UBE2E3: variants seen among roughly 807,000 people sequenced by gnomAD.
UBE2E3 encodes the protein ubiquitin-conjugating enzyme E2 E3.
A neutral mutation model predicts 23.6 loss-of-function variants in UBE2E3; 5 were observed. That is an observed-to-expected ratio of 0.21 (90% confidence interval 0.11 to 0.44). The LOEUF (loss-of-function observed/expected upper bound fraction) is 0.44. UBE2E3 is among the 20% of genes least tolerant of loss of function. The probability of loss-of-function intolerance (pLI) is 0.99; values close to 1 mark genes in which losing one functional copy is unlikely to be tolerated. For missense variants in UBE2E3, 81 were observed against 249.8 expected (o/e 0.32, Z 4.55); for synonymous variants, 78 against 87.5 (o/e 0.89, Z 0.60).
chr2:181,033,902 T>C (rs113365767), intron 3 of UBE2E3, among the ~76,000 whole-genome samples: 35,334 of 152,162 alleles, frequency 0.23, 4,467 homozygotes, highest in Non-Finnish European at 0.28. Flanking sequence ...AAGACATTTA[T>C]GCAGCCAAAA....
intron 4 of UBE2E3, among the ~76,000 whole-genome samples, chr2:181,059,568 C>A (rs2368189): frequency 0.23 from 35,158 of 151,418 alleles, 4,445 homozygotes; most frequent in Non-Finnish European, 0.28. Context: ...ACATGTAATC[C>A]GTGTAAGAGT....
Position 181,020,545 on chromosome 2 carries a change from A to T in UBE2E3, c.245+36452A>T, listed in dbSNP as rs531305064. On this transcript the variant is annotated intron_variant, in intron 3 of 5. Transcript: ENST00000410062. ...GATTTTGATCCTTAATAATAATGTA[A>T]TAAAACTAGAATTATTTCCTTTGTT... 2.0e-5 allele frequency among the ~76,000 whole-genome samples: 3 copies of T among 152,354 alleles called. No homozygotes were observed. In the South Asian group the frequency reaches 6.2e-4, roughly 32 times the overall value.
intron 3 of UBE2E3, among the ~76,000 whole-genome samples, chr2:181,042,598 G>A (rs746987851): frequency 6.6e-6 from 1 of 152,146 alleles, no homozygotes; most frequent in Non-Finnish European, 1.5e-5. Context: ...GGAAGTCATG[G>A]AACAGGTTAG....
intron 3 of UBE2E3, among the ~76,000 whole-genome samples, chr2:181,014,402 CAATA>C (rs1685426290): frequency 6.6e-6 from 1 of 152,010 alleles, no homozygotes; most frequent in African/African-American, 2.4e-5. Flanking sequence ...CAGTATGTAT[CAATA>C]AAGTTCACTT....
chr2:181,061,760 GT>G (rs543861838), intron 5 of UBE2E3, among the ~76,000 whole-genome samples: 93 of 140,744 alleles, frequency 6.6e-4, no homozygotes, highest in African/African-American at 2.5e-3. Flanking sequence ...CACACATTTT[GT>G]TTCGTTATGT....
At chr2:181,046,451 A>T (rs1209050764) in intron 3 of UBE2E3, among the ~76,000 whole-genome samples, 2 of 152,150 alleles carry the variant, frequency 1.3e-5, no homozygotes, top group East Asian at 3.9e-4. Context: ...CCTCATGATA[A>T]ACTGGGCTAG....
intron 2 of UBE2E3, 69 bp from the exon 3 acceptor site, chr2:180,983,974 C>T (rs776384283): frequency 8.0e-7 from 1 of 1,251,556 alleles, no homozygotes; most frequent in Non-Finnish European, 1.1e-6. Flanking sequence ...TGGTAGAGGG[C>T]AGTGTAATTC....
intron 3 of UBE2E3, among the ~76,000 whole-genome samples, chr2:180,993,171 G>A (rs893934874): frequency 2.6e-5 from 4 of 152,128 alleles, no homozygotes; most frequent in Non-Finnish European, 4.4e-5. Context: ...TGTGCCCGTC[G>A]GTAGGTGGTG....
At chr2:180,987,934 A>AT (rs972834343) in intron 3 of UBE2E3, among the ~76,000 whole-genome samples, 34 of 152,270 alleles carry the variant, frequency 2.2e-4, no homozygotes, top group South Asian at 1.0e-3. Flanking sequence ...TTCCTGGTGA[A>AT]TTGTATATAT....
intron 3 of UBE2E3, among the ~76,000 whole-genome samples, chr2:180,998,945 TTTCTC>T (rs1376390508): frequency 6.6e-6 from 1 of 152,206 alleles, no homozygotes; most frequent in African/African-American, 2.4e-5. Flanking sequence ...TTAAATTACT[TTTCTC>T]TATAGATATG....
chr2:181,048,734 T>A (rs1432741022), intron 3 of UBE2E3, among the ~76,000 whole-genome samples: 3 of 152,114 alleles, frequency 2.0e-5, no homozygotes, highest in African/African-American at 4.8e-5. Flanking sequence ...TGATTCTTTC[T>A]AAAACACTCA....
At chr2:180,987,525 T>A (rs929247059) in intron 3 of UBE2E3, 1 of 1,077,668 alleles carries the variant, frequency 9.3e-7, no homozygotes, top group African/African-American at 1.6e-5. Context: ...TTTGTATTAA[T>A]AAATAGTTTC....
intron 3 of UBE2E3, among the ~76,000 whole-genome samples, chr2:180,985,862 A>C (rs1684450556): frequency 2.0e-5 from 3 of 152,110 alleles, no homozygotes; most frequent in Admixed American, 2.0e-4. Context: ...TAGAGAGCCT[A>C]GTAGACATGT....
chr2:180,991,149 A>ATTTTTTTTTTTTTT (rs35348964), intron 3 of UBE2E3, among the ~76,000 whole-genome samples: 1 of 150,896 alleles, frequency 6.6e-6, no homozygotes, highest in Non-Finnish European at 1.5e-5. Context: ...AAAACCTTTG[A>ATTTTTTTTTTTTTT]TTTTTTTTTC....
rs534072404 is a variant in UBE2E3, at chr2:180,983,218, CAT to C, written c.195-822_195-821del. 2.5e-3 allele frequency among the ~76,000 whole-genome samples: 384 copies of C among 152,260 alleles called. 2 individuals carry two copies. Among genetic ancestry groups the C allele is most frequent in the African/African-American group, 8.3e-3 (345 of 41,544 alleles). ...CATTCTGTGGTGATTCATAAATACT[CAT>C]ATTTTTCTATGGATTTTCACCCTTA... On this transcript the variant is annotated intron_variant, in intron 2 of 5. Coordinates refer to ENST00000410062, the MANE Select transcript of UBE2E3 (RefSeq NM_006357.4).
rs201205258 is a variant in UBE2E3 at position 181,018,491 on chromosome 2, T to TA, written c.245+34400dup. 9.5e-3 allele frequency among the ~76,000 whole-genome samples: 1,453 copies of TA among 152,192 alleles called. 22 individuals carry two copies. Among genetic ancestry groups the TA allele is most frequent in the African/African-American group, 0.033 (1,369 of 41,544 alleles). On this transcript the variant is annotated intron_variant, in intron 3 of 5. Transcript: ENST00000410062. ...ATACCTATCTACCTTTCAGTGCAGTTAATCTATTCTTGATGAGCTTTTGTG... is the reference window on the plus strand; with the variant it reads ...ATACCTATCTACCTTTCAGTGCAGTTAAATCTATTCTTGATGAGCTTTTGTG...
At chr2:180,981,240 G>A (rs1017928605) in intron 1 of UBE2E3, 4 of 151,410 alleles carry the variant, frequency 2.6e-5, no homozygotes, top group African/African-American at 7.2e-5. Context: ...CGCGGGCGCG[G>A]AAATTTGTTG....
chr2:181,046,964 C>T (rs1686689599), intron 3 of UBE2E3, among the ~76,000 whole-genome samples: 1 of 152,042 alleles, frequency 6.6e-6, no homozygotes, highest in East Asian at 1.9e-4. Context: ...TAAGTGAAAA[C>T]TAGGTTTCCT....
At chr2:180,987,314 A>G in intron 3 of UBE2E3, 4 of 1,548,960 alleles carry the variant, frequency 2.6e-6, no homozygotes, top group Non-Finnish European at 3.5e-6. Context: ...TTATTAAGAC[A>G]TTTACTTTCC....
Sources: allele counts gnomAD v4.1 joint callset (sites outside exome capture counted in the v4.1 genomes callset), GRCh38; gene constraint gnomAD v4.1.1; transcripts MANE v1.5; gene names NCBI Gene and HGNC (gene_info 2026-07-23, HGNC 2026-07-21).